Variants in CLVS1 observed in about 807,000 individuals in gnomAD.
CLVS1 encodes clavesin-1.
Under a neutral mutation model 33.1 loss-of-function variants are expected in CLVS1, and 10 were observed. The ratio of observed to expected loss-of-function variants is 0.30; its 90% CI spans 0.19 to 0.51. The LOEUF (loss-of-function observed/expected upper bound fraction) is 0.51, where lower values mean the gene tolerates loss of function less well. Ranked by LOEUF, CLVS1 falls within the 20% of genes least tolerant of loss-of-function variation. The pLI, the probability that CLVS1 is intolerant of heterozygous loss-of-function variation, is 0.97. For synonymous variants in CLVS1, 163 were observed against 166.1 expected, an observed-to-expected ratio of 0.98 and a Z score of 0.14; for missense variants, 343 against 433.4, an observed-to-expected ratio of 0.79 and a Z score of 1.85.
At chr8:61,034,407 TTTAA>T in the CLVS1 span, among the ~76,000 whole-genome samples, 1 of 152,082 alleles carries the variant, frequency 6.6e-6, no homozygotes, top group Non-Finnish European at 1.5e-5. Context: ...AATTTACTGT[TTTAA>T]CTATTTTGAA....
intron 2 of CLVS1, among the ~76,000 whole-genome samples, chr8:61,363,052 G>T (rs1414662885): frequency 6.6e-6 from 1 of 152,186 alleles, no homozygotes; most frequent in African/African-American, 2.4e-5. Context: ...AAGGATTAAA[G>T]CAGGAGGTAA....
chr8:60,967,246 A>G, the CLVS1 span, among the ~76,000 whole-genome samples: 2 of 151,952 alleles, frequency 1.3e-5, no homozygotes, highest in Non-Finnish European at 2.9e-5. Flanking sequence ...GCAGATTGGA[A>G]CTTACATATG....
At chr8:61,117,543 C>T (rs1805753512) in intron 1 of CLVS1, among the ~76,000 whole-genome samples, 2 of 149,376 alleles carry the variant, frequency 1.3e-5, no homozygotes, top group African/African-American at 4.9e-5. Flanking sequence ...TGAAATACAT[C>T]CCATCAATAC....
Position 61,402,087 on chromosome 8 carries a change from CAGAT to C in CLVS1, c.630+25309_630+25312del, listed in dbSNP as rs539551844. ...CCCACTCGGTAAATTGATGGACAGA[CAGAT>C]GGATGAATGTTGAGATTTATGCCAT... On this transcript the variant is annotated intron_variant, in intron 3 of 5. Coordinates refer to ENST00000325897, the MANE Select transcript of CLVS1 (RefSeq NM_173519.3). Among the ~76,000 whole-genome samples, 1,009 of 152,118 alleles carry C rather than the reference CAGAT, an allele frequency of 6.6e-3. 4 individuals carry two copies. The highest frequency in any genetic ancestry group is 9.7e-3 in the South Asian group (47 of 4,822).
At chr8:61,189,275 G>A (rs1031854359) in intron 2 of CLVS1, among the ~76,000 whole-genome samples, 3 of 152,134 alleles carry the variant, frequency 2.0e-5, no homozygotes, top group Non-Finnish European at 4.4e-5. Context: ...GCCAAACTAA[G>A]CTTCATAAGT....
chr8:61,418,559 A>T (rs1166614250), intron 3 of CLVS1, among the ~76,000 whole-genome samples: 1 of 152,226 alleles, frequency 6.6e-6, no homozygotes, highest in East Asian at 1.9e-4. Flanking sequence ...AAACATAGAT[A>T]AATAAATATG....
intron 2 of CLVS1, among the ~76,000 whole-genome samples, chr8:61,305,226 G>GTAAAATATATATA (rs1810577286): frequency 6.6e-6 from 1 of 151,888 alleles, no homozygotes; most frequent in African/African-American, 2.4e-5. Context: ...TGTTATTGAG[G>GTAAAATATATATA]TAAAATATAT....
At chr8:61,139,245 C>T (rs999384451) in intron 2 of CLVS1, among the ~76,000 whole-genome samples, 4 of 152,158 alleles carry the variant, frequency 2.6e-5, no homozygotes, top group Non-Finnish European at 5.9e-5. Context: ...GGAGCGCCCG[C>T]GAGGCGCCGC....
intron 2 of CLVS1, among the ~76,000 whole-genome samples, chr8:61,309,316 C>T (rs1041225644): frequency 1.3e-5 from 2 of 152,196 alleles, no homozygotes; most frequent in African/African-American, 4.8e-5. Context: ...TTCCTTCATG[C>T]ACTCTGTAAT....
chr8:61,412,257 A>G (rs1470405176), intron 3 of CLVS1, among the ~76,000 whole-genome samples: 1 of 152,242 alleles, frequency 6.6e-6, no homozygotes, highest in Non-Finnish European at 1.5e-5. Context: ...AAAACGTTAA[A>G]TGTTAAAAAA....
chr8:61,345,518 A>C (rs1563507045), intron 2 of CLVS1, among the ~76,000 whole-genome samples: 1 of 152,108 alleles, frequency 6.6e-6, no homozygotes, highest in Non-Finnish European at 1.5e-5. Flanking sequence ...AACAATTAAA[A>C]GTCCTGGCTG....
chr8:61,272,899 A>G (rs958597131), intron 2 of CLVS1, among the ~76,000 whole-genome samples: 1 of 150,490 alleles, frequency 6.6e-6, no homozygotes, highest in Non-Finnish European at 1.5e-5. Context: ...ATTCTTCTAA[A>G]TTTTTTTCAA....
At chr8:61,067,313 C>T (rs896082023) in intron 1 of CLVS1, among the ~76,000 whole-genome samples, 1 of 151,276 alleles carries the variant, frequency 6.6e-6, no homozygotes, top group Non-Finnish European at 1.5e-5. Flanking sequence ...GGAGTGTGCT[C>T]GACAAATATA....
At chr8:61,403,792 T>A (rs1443215511) in intron 3 of CLVS1, among the ~76,000 whole-genome samples, 1 of 152,180 alleles carries the variant, frequency 6.6e-6, no homozygotes, top group Non-Finnish European at 1.5e-5. Context: ...TGGATTTGTA[T>A]GTACTAAAAC....
At chr8:61,406,834 C>A (rs535121319) in intron 3 of CLVS1, among the ~76,000 whole-genome samples, 1 of 152,268 alleles carries the variant, frequency 6.6e-6, no homozygotes, top group East Asian at 1.9e-4. Flanking sequence ...GTCTCAAACT[C>A]CTGCGCTCAG....
At chr8:61,220,322 A>T (rs1218871799) in intron 2 of CLVS1, among the ~76,000 whole-genome samples, 4 of 114,248 alleles carry the variant, frequency 3.5e-5, no homozygotes, top group Non-Finnish European at 5.3e-5. Flanking sequence ...ATCCATCTTG[A>T]GTTAATTTTT....
Position 61,499,497 on chromosome 8 carries a change from G to A in CLVS1, c.1020G>A (p.Glu340=), listed in dbSNP as rs781305850. The change falls in exon 6 of 6, where the codon GAG becomes GAA. Residue 340 remains glutamate (E), a synonymous_variant. Coordinates refer to ENST00000325897, the MANE Select transcript of CLVS1 (RefSeq NM_173519.3). Reference sequence around the variant, plus strand: ...AAGCTGGGACCCTGAAACATGAGGAGAAGGGAGAGAATGAGAACACCCAGC... The same window carrying A: ...AAGCTGGGACCCTGAAACATGAGGAAAAGGGAGAGAATGAGAACACCCAGC... The part of the protein sequence containing the change: ...VVEAGTLKHE[E]KGENENTQPL... 1.9e-6 allele frequency: 3 copies of A among 1,613,864 alleles called. No individual in the cohort carries two copies. Among genetic ancestry groups the A allele is most frequent in the Non-Finnish European group, 2.5e-6 (3 of 1,179,788 alleles).
intron 2 of CLVS1, among the ~76,000 whole-genome samples, chr8:61,350,308 C>T (rs941455981): frequency 2.0e-5 from 3 of 152,156 alleles, no homozygotes; most frequent in African/African-American, 7.2e-5. Flanking sequence ...TCATTGCTGA[C>T]TTCTCTTTCC....
intron 4 of CLVS1, among the ~76,000 whole-genome samples, chr8:61,454,543 A>C (rs2092651868): frequency 6.6e-6 from 1 of 152,212 alleles, no homozygotes; most frequent in Admixed American, 6.5e-5. Flanking sequence ...TTCTTATGGG[A>C]GATACTGGGT....
Sources: gnomAD v4.1 joint callset for allele counts (sites outside exome capture counted in the v4.1 genomes callset) on GRCh38, gnomAD v4.1.1 for gene constraint, MANE v1.5 for transcripts, NCBI Gene and HGNC (gene_info 2026-07-23, HGNC 2026-07-21) for gene names.